TMCO5A: variants seen among roughly 807,000 people sequenced by gnomAD.
The protein encoded by TMCO5A is transmembrane and coiled-coil domains 5A.
A neutral mutation model predicts 42.3 loss-of-function variants in TMCO5A; 34 were observed. The ratio of observed to expected loss-of-function variants is 0.80; its 90% CI spans 0.61 to 1.07. The LOEUF (loss-of-function observed/expected upper bound fraction) is 1.07, where lower values mean the gene tolerates loss of function less well. TMCO5A is among the 50% of genes least tolerant of loss of function. The probability of loss-of-function intolerance (pLI) is 0.00; values close to 1 mark genes in which losing one functional copy is unlikely to be tolerated. For synonymous variants in TMCO5A, 131 were observed against 115.6 expected (o/e 1.13, Z -0.86); for missense variants, 357 against 327.9 (o/e 1.09, Z -0.69).
chr15:37,983,697 A>G, the TMCO5A span, among the ~76,000 whole-genome samples: 1 of 151,024 alleles, frequency 6.6e-6, no homozygotes, highest in Non-Finnish European at 1.5e-5. Flanking sequence ...CAGTCTTGTG[A>G]GTCCTTTTTT....
intron 3 of TMCO5A, 37 bp downstream of exon 3, chr15:37,936,500 C>T (rs1255621004): frequency 4.4e-6 from 7 of 1,589,594 alleles, no homozygotes; most frequent in Non-Finnish European, 6.0e-6. Context: ...GTTCCCAATC[C>T]AAAGAAGGGG....
the TMCO5A span, among the ~76,000 whole-genome samples, chr15:38,017,055 G>A: frequency 6.6e-6 from 1 of 152,080 alleles, no homozygotes; most frequent in African/African-American, 2.4e-5. Flanking sequence ...GTCTTCCACT[G>A]AAGATAGTGG....
At chr15:37,996,232 G>A in the TMCO5A span, among the ~76,000 whole-genome samples, 5 of 152,210 alleles carry the variant, frequency 3.3e-5, no homozygotes, top group Admixed American at 6.5e-5. Flanking sequence ...CTTAGAGGGA[G>A]CTGAGTGACT....
At chr15:37,943,205 T>C (rs1361614114) in intron 9 of TMCO5A, 136 bp from the exon 10 acceptor site, 3 of 636,590 alleles carry the variant, frequency 4.7e-6, no homozygotes, top group South Asian at 6.1e-5. Context: ...TTAATTTAAA[T>C]AGCTATAGGT....
At chr15:37,978,197 T>C in the TMCO5A span, among the ~76,000 whole-genome samples, 1 of 152,090 alleles carries the variant, frequency 6.6e-6, no homozygotes, top group Non-Finnish European at 1.5e-5. Flanking sequence ...GAGCAGGGTG[T>C]CAGGGCTTAC....
At chr15:37,994,637 A>C in the TMCO5A span, 4 of 152,000 alleles carry the variant, frequency 2.6e-5, no homozygotes, top group African/African-American at 9.7e-5. Flanking sequence ...TTCCTATCAC[A>C]CTTCAGTTCC....
chr15:38,029,994 G>C, the TMCO5A span, among the ~76,000 whole-genome samples: 1 of 152,108 alleles, frequency 6.6e-6, no homozygotes, highest in South Asian at 2.1e-4. Flanking sequence ...GATTCATTCT[G>C]TTGCCTTCTA....
chr15:37,989,165 A>G, the TMCO5A span, among the ~76,000 whole-genome samples: 1 of 151,888 alleles, frequency 6.6e-6, no homozygotes, highest in Non-Finnish European at 1.5e-5. Flanking sequence ...TTTTTGTAGC[A>G]TCAATAATAA....
rs186167856 is a variant in TMCO5A, at chr15:37,941,033, G to T, written c.388-116G>T. On this transcript the variant is annotated intron_variant, in intron 6 of 11. Transcript: ENST00000319669. ...TGGCTTAATTCCTCTATCAGGAGAC[G>T]TGTGAAGTCATGGCCCTGAGGCTCC... 12 of 851,888 alleles carry T rather than the reference G, an allele frequency of 1.4e-5. No homozygotes were observed. In the Admixed American group the frequency reaches 2.4e-4, roughly 17 times the overall value. 52.8% of individuals were successfully genotyped at this position (851,888 alleles called of 1,614,324 possible). A position where few individuals can be genotyped will look rare whatever the true frequency, so the allele number is the denominator to read the frequency against.
At chr15:38,010,200 C>A in the TMCO5A span, among the ~76,000 whole-genome samples, 2 of 139,570 alleles carry the variant, frequency 1.4e-5, no homozygotes, top group Non-Finnish European at 3.2e-5. Flanking sequence ...AGTGAAACCC[C>A]GTCTCTACTA....
chr15:37,965,603 T>G (rs1182938850), intron 11 of TMCO5A, among the ~76,000 whole-genome samples: 1 of 152,182 alleles, frequency 6.6e-6, no homozygotes, highest in African/African-American at 2.4e-5. Context: ...GCAAAAGATT[T>G]GAACAGACAT....
At chr15:38,033,556 T>C in the TMCO5A span, among the ~76,000 whole-genome samples, 1 of 138,290 alleles carries the variant, frequency 7.2e-6, no homozygotes, top group Admixed American at 7.0e-5. Context: ...TATTTCTCCC[T>C]CCATTTTTTT....
chr15:38,029,300 A>G, the TMCO5A span, among the ~76,000 whole-genome samples: 4 of 152,028 alleles, frequency 2.6e-5, no homozygotes, highest in South Asian at 8.3e-4. Flanking sequence ...ATATGCATAC[A>G]CTTTCACAAA....
chr15:38,000,767 C>T, the TMCO5A span, among the ~76,000 whole-genome samples: 1 of 152,002 alleles, frequency 6.6e-6, no homozygotes, highest in South Asian at 2.1e-4. Context: ...CATTGACTTG[C>T]TGGTCATTCA....
the TMCO5A span, among the ~76,000 whole-genome samples, chr15:37,981,552 A>G: frequency 6.6e-6 from 1 of 152,214 alleles, no homozygotes; most frequent in Non-Finnish European, 1.5e-5. Context: ...CACAGTGACA[A>G]GCGCATGTAG....
rs16965959 is a variant in TMCO5A, at chr15:37,936,142, G to A, written c.-10-172G>A. ...CTTGCTGACTGAGCTGCGAATTATC[G>A]AAACAGTTGTAGAGCATGATCAAGA... On this transcript the variant is annotated intron_variant, in intron 2 of 11. Coordinates refer to ENST00000319669, the MANE Select transcript of TMCO5A (RefSeq NM_152453.4). The A allele has an allele frequency of 2.4e-3, 1,672 of 689,038 alleles. 17 individuals carry two copies. In the African/African-American group the frequency reaches 0.029, roughly 12 times the overall value. The allele number at this position is 689,038 out of a possible 1,614,324, so 42.7% of individuals were successfully genotyped here.
chr15:37,980,972 CTA>C, the TMCO5A span, among the ~76,000 whole-genome samples: 1 of 152,128 alleles, frequency 6.6e-6, no homozygotes, highest in Non-Finnish European at 1.5e-5. Context: ...ATTCATCACT[CTA>C]TTTTCTCTGC....
chr15:37,983,430 G>T, the TMCO5A span, among the ~76,000 whole-genome samples: 1 of 152,150 alleles, frequency 6.6e-6, no homozygotes, highest in African/African-American at 2.4e-5. Context: ...AATCTCTATT[G>T]CTTCTGACAA....
downstream of TMCO5A, among the ~76,000 whole-genome samples, chr15:37,955,754 A>G (rs1483495693): frequency 6.6e-6 from 1 of 152,188 alleles, no homozygotes; most frequent in East Asian, 1.9e-4. Context: ...TCTAATAGAC[A>G]TCTACAGAAG....
Sources: allele counts gnomAD v4.1 joint callset (sites outside exome capture counted in the v4.1 genomes callset), GRCh38; gene constraint gnomAD v4.1.1; transcripts MANE v1.5; gene names NCBI Gene and HGNC (gene_info 2026-07-23, HGNC 2026-07-21).